The following ANO6 variants were observed in gnomAD, a reference collection of about 807,000 sequenced individuals.
ANO6 encodes the protein anoctamin 6.
In ANO6, 106 loss-of-function variants were observed where a neutral mutation model predicts 117.5. The ratio of observed to expected loss-of-function variants is 0.90; its 90% CI spans 0.77 to 1.06. The LOEUF (loss-of-function observed/expected upper bound fraction) is 1.06, where lower values mean the gene tolerates loss of function less well. ANO6 is among the 50% of genes least tolerant of loss of function. The pLI is 0.00. For synonymous variants in ANO6, 367 were observed against 385.1 expected (o/e 0.95, Z 0.55); for missense variants, 955 against 1,121.1 (o/e 0.85, Z 2.12).
intron 9 of ANO6, among the ~76,000 whole-genome samples, chr12:45,375,216 A>G (rs2137534443): frequency 6.6e-6 from 1 of 152,332 alleles, no homozygotes; most frequent in East Asian, 1.9e-4. Context: ...GATACAAACA[A>G]ATGGAAGAAC....
intron 1 of ANO6, among the ~76,000 whole-genome samples, chr12:45,244,372 A>G (rs997875217): frequency 1.6e-5 from 2 of 127,276 alleles, no homozygotes; most frequent in East Asian, 5.5e-4. Flanking sequence ...TTACTGCCCA[A>G]GCAGCGGTTA....
intron 7 of ANO6, 26 bp downstream of exon 7, chr12:45,350,800 G>C (rs1031618441): frequency 3.2e-6 from 5 of 1,577,432 alleles, no homozygotes; most frequent in African/African-American, 1.3e-5. Flanking sequence ...GAGTACTCCA[G>C]GGGGAGGCAC....
intron 1 of ANO6, among the ~76,000 whole-genome samples, chr12:45,299,722 C>T (rs1939417464): frequency 6.6e-6 from 1 of 151,866 alleles, no homozygotes; most frequent in African/African-American, 2.4e-5. Flanking sequence ...GGTGTAGTGG[C>T]ACGCCTGTAG....
Position 45,257,715 on chromosome 12 carries a change from A to G in ANO6, c.70+41324A>G, listed in dbSNP as rs141246146. ...GGCCATCTCTCTTAGTTTGTGTTTC[A>G]GCCTTCCAATCTCGTCTCCTCAAAT... is the stretch of plus-strand genomic sequence containing the variant. On this transcript the variant is annotated intron_variant, in intron 1 of 19. Transcript: ENST00000320560. Among the ~76,000 whole-genome samples the G allele has an allele frequency of 1.4e-3, 211 of 152,260 alleles. 1 individual carries two copies. The highest frequency in any genetic ancestry group is 4.9e-3 in the African/African-American group (204 of 41,534).
chr12:45,409,218 TAAAAAC>T, intron 15 of ANO6, 133 bp from the exon 16 acceptor site: 1 of 1,158,140 alleles, frequency 8.6e-7, no homozygotes, highest in South Asian at 1.3e-5. Flanking sequence ...GAGGCAGAAA[TAAAAAC>T]AAATTTAGCA....
chr12:45,221,530 T>A (rs1013390973), intron 1 of ANO6, among the ~76,000 whole-genome samples: 4 of 152,146 alleles, frequency 2.6e-5, no homozygotes, highest in African/African-American at 9.7e-5. Flanking sequence ...TGTATGTGAT[T>A]TGGAGCTCCT....
intron 1 of ANO6, among the ~76,000 whole-genome samples, chr12:45,244,406 G>A (rs548530824): frequency 2.9e-4 from 42 of 144,828 alleles, no homozygotes; most frequent in East Asian, 8.1e-4. Context: ...CTCTATTTGG[G>A]GGGGGGGGGT....
chr12:45,244,780 T>C (rs1166311839), intron 1 of ANO6, among the ~76,000 whole-genome samples: 1 of 152,194 alleles, frequency 6.6e-6, no homozygotes, highest in African/African-American at 2.4e-5. Flanking sequence ...CTACAGTGGC[T>C]TCCCTTGGGT....
At chr12:45,271,730 A>C (rs1293534689) in intron 1 of ANO6, among the ~76,000 whole-genome samples, 1 of 152,204 alleles carries the variant, frequency 6.6e-6, no homozygotes, top group Non-Finnish European at 1.5e-5. Flanking sequence ...GTATCTGCTT[A>C]GCCTACAAGT....
rs1022058151 is a variant in ANO6 at position 45,430,850 on chromosome 12, C to T, written c.*1539C>T. 6.1e-6 allele frequency: 6 copies of T among 985,300 alleles called. No homozygotes were observed. The African/African-American group carries it at 8.7e-5, about 14-fold the overall frequency. 61.0% of individuals were successfully genotyped at this position (985,300 alleles called of 1,614,324 possible). ...CCTCTCACCCCTACTGGTAACAGGT[C>T]ATTGCTGGGTGCACAAGAGGGAGGT... On this transcript the variant is annotated 3_prime_UTR_variant, in exon 20 of 20. Transcript: ENST00000320560.
intron 2 of ANO6, among the ~76,000 whole-genome samples, chr12:45,327,689 G>GA (rs1431615292): frequency 1.3e-5 from 2 of 152,148 alleles, no homozygotes; most frequent in Non-Finnish European, 2.9e-5. Context: ...TTGCATGCAT[G>GA]TATGTCCATC....
At chr12:45,386,937 T>C (rs1424784880) in intron 10 of ANO6, among the ~76,000 whole-genome samples, 1 of 152,222 alleles carries the variant, frequency 6.6e-6, no homozygotes, top group Non-Finnish European at 1.5e-5. Flanking sequence ...CCCAGTTAAA[T>C]GTTCTGGTTC....
At chr12:45,418,347 C>G (rs530204210) in intron 17 of ANO6, among the ~76,000 whole-genome samples, 14 of 152,254 alleles carry the variant, frequency 9.2e-5, no homozygotes, top group African/African-American at 2.9e-4. Context: ...TGGGGTATGT[C>G]AGTTTCCTTT....
At chr12:45,406,242 T>C (rs1306368472) in intron 15 of ANO6, among the ~76,000 whole-genome samples, 1 of 152,236 alleles carries the variant, frequency 6.6e-6, no homozygotes, top group African/African-American at 2.4e-5. Flanking sequence ...AAGTGCCTTG[T>C]ATGCTTCAGA....
chr12:45,264,064 C>G (rs1446819078), intron 1 of ANO6, among the ~76,000 whole-genome samples: 1 of 152,112 alleles, frequency 6.6e-6, no homozygotes, highest in South Asian at 2.1e-4. Context: ...AAGGAACATT[C>G]GGAAGGAAAC....
chr12:45,316,251 G>A (rs1048392198), intron 2 of ANO6, among the ~76,000 whole-genome samples: 6 of 152,056 alleles, frequency 3.9e-5, no homozygotes, highest in Non-Finnish European at 8.8e-5. Context: ...ATCCCTTTGA[G>A]GCATATATTC....
intron 1 of ANO6, among the ~76,000 whole-genome samples, chr12:45,222,063 T>C (rs1947409491): frequency 1.3e-5 from 2 of 151,658 alleles, no homozygotes; most frequent in Non-Finnish European, 2.9e-5. Flanking sequence ...TTTGTATTTT[T>C]AATAGAGGCG....
chr12:45,307,765 A>G (rs1939716346), intron 2 of ANO6, among the ~76,000 whole-genome samples: 1 of 152,132 alleles, frequency 6.6e-6, no homozygotes, highest in South Asian at 2.1e-4. Context: ...AAAAATCAGC[A>G]GGACAAGCTG....
intron 10 of ANO6, among the ~76,000 whole-genome samples, chr12:45,386,497 CTG>C (rs1942302207): frequency 2.6e-5 from 3 of 113,540 alleles, no homozygotes; most frequent in Non-Finnish European, 5.2e-5. Flanking sequence ...TCTGTCATAC[CTG>C]CATCCATCTG....
Sources: allele counts gnomAD v4.1 joint callset (sites outside exome capture counted in the v4.1 genomes callset), GRCh38; gene constraint gnomAD v4.1.1; transcripts MANE v1.5; gene names NCBI Gene and HGNC (gene_info 2026-07-23, HGNC 2026-07-21).